PLAGL1: variants seen among roughly 807,000 people sequenced by gnomAD.
PLAGL1 encodes PLAG1 like zinc finger 1, also known as zinc finger protein PLAGL1.
PLAGL1 carries 1 observed loss-of-function variant against 4.6 expected under a neutral mutation model. The ratio of observed to expected loss-of-function variants is 0.22; its 90% CI spans 0.08 to 1.03. The LOEUF (loss-of-function observed/expected upper bound fraction) is 1.03, where lower values mean the gene tolerates loss of function less well. PLAGL1 is among the 50% of genes least tolerant of loss of function. The pLI, the probability that PLAGL1 is intolerant of heterozygous loss-of-function variation, is 0.58. For missense variants in PLAGL1, 464 were observed against 570.4 expected (o/e 0.81, Z 1.90); for synonymous variants, 240 against 237.8 (o/e 1.01, Z -0.08).
rs933684656 is a variant in PLAGL1 at position 143,995,135 on chromosome 6, G to A, written c.-583-9961C>T. On this transcript the variant is annotated intron_variant, in intron 1 of 7. Transcript: ENST00000674357. This position sits in a 1 kb window ranked among gnomAD's most constrained non-coding sequence, Gnocchi z 4.4. ...GCCAAAATTTTCTTATTTGTACAAAGGAGATAAAACTATTCTCAGGTTGTT... is the reference window on the plus strand; with the variant it reads ...GCCAAAATTTTCTTATTTGTACAAAAGAGATAAAACTATTCTCAGGTTGTT... 1.6e-5 allele frequency among the ~76,000 whole-genome samples: 1 copy of A among 63,592 alleles called. No homozygotes were observed. Among genetic ancestry groups the A allele is most frequent in the Non-Finnish European group, 3.8e-5 (1 of 26,000 alleles). The allele number at this position is 63,592 out of a possible 152,430, so 41.7% of individuals were successfully genotyped here. A position where few individuals can be genotyped will look rare whatever the true frequency, so the allele number is the denominator to read the frequency against.
chr6:143,977,720 G>A (rs973165247), intron 2 of PLAGL1, among the ~76,000 whole-genome samples: 2 of 151,780 alleles, frequency 1.3e-5, no homozygotes, highest in Non-Finnish European at 2.9e-5. Context: ...GGCTGGTCTC[G>A]AACTCCCAAC....
rs1787434355 is a variant in PLAGL1 at position 143,979,529 on chromosome 6, T to G, written c.-544+5606A>C. 6.6e-6 allele frequency among the ~76,000 whole-genome samples: 1 copy of G among 152,118 alleles called. No individual in the cohort carries two copies. Among genetic ancestry groups the G allele is most frequent in the Non-Finnish European group, 1.5e-5 (1 of 67,956 alleles). ...TCGTGGTTGCTGTAGAGTTTATAGT[T>G]ATATCTTTAACTTACCATGGTGTAC... On this transcript the variant is annotated intron_variant, in intron 2 of 7. Transcript: ENST00000674357. This position sits in a 1 kb window ranked among gnomAD's most constrained non-coding sequence, Gnocchi z 4.6.
rs1263844701 is a variant in PLAGL1 at position 143,985,928 on chromosome 6, CAT to C, written c.-583-756_-583-755del. Among the ~76,000 whole-genome samples the C allele has an allele frequency of 1.4e-5, 2 of 139,520 alleles. No individual in the cohort carries two copies. The highest frequency in any genetic ancestry group is 2.2e-4 in the South Asian group (1 of 4,496). The allele number at this position is 139,520 out of a possible 152,430, so 91.5% of individuals were successfully genotyped here. On this transcript the variant is annotated intron_variant, in intron 1 of 7. Transcript: ENST00000674357. The surrounding 1 kb of genome is among the most constrained non-coding windows in gnomAD (Gnocchi z 4.4). ...GTGTGTGTGTGTGTGTATACACACA[CAT>C]ATATATAAAAGATATATATACACAT...
At position 144,039,713 on chromosome 6, in the gene PLAGL1, T is replaced by C. The variant is rs900501897; in HGVS notation, c.-151+24755A>G. ...AACCACTTTGATCAATAATTTGTAA[T>C]AGTCAGTGAATACAAAGGGGTATAT... On this transcript the variant is annotated intron_variant, in intron 1 of 3. Transcript: ENST00000437412. The surrounding 1 kb of genome is among the most constrained non-coding windows in gnomAD (Gnocchi z 4.1). Among the ~76,000 whole-genome samples, 2 of 152,200 alleles carry C rather than the reference T, an allele frequency of 1.3e-5. No homozygotes were observed. The highest frequency in any genetic ancestry group is 3.8e-4 in the East Asian group (2 of 5,200).
rs1047310616 is a variant in PLAGL1, at chr6:144,036,812, T to C, written c.-151+27656A>G. ...TGCTAAATGCCCATTATGACACTAT[T>C]TGACTAAACAGGTTTGAAATACTCT... On this transcript the variant is annotated intron_variant, in intron 1 of 3. Coordinates refer to the PLAGL1 transcript ENST00000437412. The surrounding 1 kb of genome is among the most constrained non-coding windows in gnomAD (Gnocchi z 5.1). 1 of 332,304 alleles carries C rather than the reference T, an allele frequency of 3.0e-6. No homozygotes were observed. Among genetic ancestry groups the C allele is most frequent in the Non-Finnish European group, 5.7e-6 (1 of 174,412 alleles). 20.6% of individuals were successfully genotyped at this position (332,304 alleles called of 1,614,324 possible). A position where few individuals can be genotyped will look rare whatever the true frequency, so the allele number is the denominator to read the frequency against.
chr6:144,014,936 TG>T (rs1163735885), intron 1 of PLAGL1, among the ~76,000 whole-genome samples: 1 of 152,158 alleles, frequency 6.6e-6, no homozygotes, highest in Non-Finnish European at 1.5e-5. Context: ...AAGAGATAAA[TG>T]GTGTGGGAAC....
rs530298808 is a variant in PLAGL1 at position 143,964,414 on chromosome 6, ATT to A, written c.-399+371_-399+372del. Among the ~76,000 whole-genome samples the A allele has an allele frequency of 6.6e-3, 1,007 of 152,172 alleles. 7 individuals carry two copies. Among genetic ancestry groups the A allele is most frequent in the South Asian group, 0.028 (136 of 4,816 alleles). On this transcript the variant is annotated intron_variant, in intron 5 of 7. Coordinates refer to ENST00000674357, the MANE Select transcript of PLAGL1 (RefSeq NM_001317162.2). The surrounding 1 kb of genome is among the most constrained non-coding windows in gnomAD (Gnocchi z 4.3). The stretch of plus-strand genomic sequence containing the variant: ...AGCACCTAAATCTTACTGACATGAA[ATT>A]TTCCTCTAGGTTGGCAGAATGGGGA...
rs947082003 is a variant in PLAGL1, at chr6:143,966,501, A to G, written c.-471-303T>C. The G allele has an allele frequency of 1.3e-5, 2 of 152,208 alleles. No homozygotes were observed. Among genetic ancestry groups the G allele is most frequent in the African/African-American group, 4.8e-5 (2 of 41,448 alleles). 9.4% of individuals were successfully genotyped at this position (152,208 alleles called of 1,614,324 possible). A position where few individuals can be genotyped will look rare whatever the true frequency, so the allele number is the denominator to read the frequency against. ...CTGACTCAGCACAACATCTTTGTGC[A>G]CTCTGATTTGAATATGTGGGGCAAA... is the stretch of plus-strand genomic sequence containing the variant. On this transcript the variant is annotated intron_variant, in intron 3 of 7. Transcript: ENST00000674357. The surrounding 1 kb of genome is among the most constrained non-coding windows in gnomAD (Gnocchi z 6.0).
At position 143,950,820 on chromosome 6, in the gene PLAGL1, G is replaced by A. The variant is rs1269529473; in HGVS notation, c.-324-2360C>T. 6.6e-6 allele frequency among the ~76,000 whole-genome samples: 1 copy of A among 152,196 alleles called. No individual in the cohort carries two copies. The highest frequency in any genetic ancestry group is 1.5e-5 in the Non-Finnish European group (1 of 68,036). On this transcript the variant is annotated intron_variant, in intron 6 of 7. Coordinates refer to ENST00000674357, the MANE Select transcript of PLAGL1 (RefSeq NM_001317162.2). This position sits in a 1 kb window ranked among gnomAD's most constrained non-coding sequence, Gnocchi z 6.3. ...CAGAACTTTCTGCAATGATGGAAAT[G>A]TTACAGATGTGATGGCTACTGAGCA...
upstream of PLAGL1, among the ~76,000 whole-genome samples, chr6:144,012,181 GT>G: frequency 6.6e-6 from 1 of 152,158 alleles, no homozygotes; most frequent in Middle Eastern, 3.4e-3. The surrounding 1 kb of genome is among the most constrained non-coding windows in gnomAD (Gnocchi z 4.8). Context: ...CAGCATGTAA[GT>G]TTTTTGTTGC....
chr6:144,026,888 C>G (rs1796381172), intron 1 of PLAGL1, among the ~76,000 whole-genome samples: 1 of 152,020 alleles, frequency 6.6e-6, no homozygotes, highest in Non-Finnish European at 1.5e-5. Flanking sequence ...CTTCTCAGTG[C>G]AAATTAAGCT....
rs569618568 is a variant in PLAGL1, at chr6:143,957,204, A to T, written c.-325+3265T>A. On this transcript the variant is annotated intron_variant, in intron 6 of 7. Coordinates refer to ENST00000674357, the MANE Select transcript of PLAGL1 (RefSeq NM_001317162.2). This position sits in a 1 kb window ranked among gnomAD's most constrained non-coding sequence, Gnocchi z 4.2. ...GTAAAATAGATGTGTGCATTGAGAAAGGCAAGGGTTAAGTCCAGGCCTGGT... is the reference window on the plus strand; with the variant it reads ...GTAAAATAGATGTGTGCATTGAGAATGGCAAGGGTTAAGTCCAGGCCTGGT... Among the ~76,000 whole-genome samples the T allele has an allele frequency of 6.6e-6, 1 of 152,388 alleles. No individual in the cohort carries two copies. The highest frequency in any genetic ancestry group is 1.9e-4 in the East Asian group (1 of 5,190).
In PLAGL1 at chr6:143,994,039, G is replaced by GAAA. The variant is rs530541145; in HGVS notation, c.-583-8868_-583-8866dup. On this transcript the variant is annotated intron_variant, in intron 1 of 7. Transcript: ENST00000674357. This position sits in a 1 kb window ranked among gnomAD's most constrained non-coding sequence, Gnocchi z 4.3. ...AATGTTCACTTCATATATGGCTAAGGAAAAAAAAAAAAAGAAAAGAACTCC... is the reference window on the plus strand; with the variant it reads ...AATGTTCACTTCATATATGGCTAAGGAAAAAAAAAAAAAAAAGAAAAGAACTCC... Among the ~76,000 whole-genome samples, 1 of 129,800 alleles carries GAAA rather than the reference G, an allele frequency of 7.7e-6. No homozygotes were observed. Among genetic ancestry groups the GAAA allele is most frequent in the Non-Finnish European group, 1.7e-5 (1 of 60,520 alleles). 85.2% of individuals were successfully genotyped at this position (129,800 alleles called of 152,430 possible). A position where few individuals can be genotyped will look rare whatever the true frequency, so the allele number is the denominator to read the frequency against.
rs1194148887 is a variant in PLAGL1, at chr6:143,971,019, A to C, written c.-543-2041T>G. 6.6e-6 allele frequency among the ~76,000 whole-genome samples: 1 copy of C among 152,030 alleles called. No homozygotes were observed. Among genetic ancestry groups the C allele is most frequent in the Non-Finnish European group, 1.5e-5 (1 of 68,004 alleles). The stretch of plus-strand genomic sequence containing the variant: ...CTCTGCCTCTCCCTACTTTGGTATT[A>C]TGTCACACAAAATTACTTCCAGAAA... On this transcript the variant is annotated intron_variant, in intron 2 of 7. Coordinates refer to ENST00000674357, the MANE Select transcript of PLAGL1 (RefSeq NM_001317162.2). The surrounding 1 kb of genome is among the most constrained non-coding windows in gnomAD (Gnocchi z 4.7).
chr6:143,941,290 C>T lies in PLAGL1; in HGVS notation c.*134G>A, dbSNP rs1778517932. ...ACATGCAGTTCGAGAATTCTCTTAT[C>T]ATCTCAAGCCAGTCATCACTGAATA... On this transcript the variant is annotated 3_prime_UTR_variant, in exon 8 of 8. Coordinates refer to ENST00000674357, the MANE Select transcript of PLAGL1 (RefSeq NM_001317162.2). The surrounding 1 kb of genome is among the most constrained non-coding windows in gnomAD (Gnocchi z 6.0). The T allele has an allele frequency of 1.6e-6, 1 of 622,990 alleles. No individual in the cohort carries two copies. Among genetic ancestry groups the T allele is most frequent in the Non-Finnish European group, 2.6e-6 (1 of 381,696 alleles). 38.6% of individuals were successfully genotyped at this position (622,990 alleles called of 1,614,324 possible).
At position 143,968,392 on chromosome 6, in the gene PLAGL1, T is replaced by G. The variant is rs1447793459; in HGVS notation, c.-472+515A>C. 6.6e-6 allele frequency: 1 copy of G among 152,096 alleles called. No homozygotes were observed. Among genetic ancestry groups the G allele is most frequent in the Non-Finnish European group, 1.5e-5 (1 of 68,004 alleles). The allele number at this position is 152,096 out of a possible 1,614,324, so 9.4% of individuals were successfully genotyped here. ...TCATATTATGATTTTAGGAGAGTGG[T>G]TTAGAGACTCTGAATTGTAACATAC... On this transcript the variant is annotated intron_variant, in intron 3 of 7. Transcript: ENST00000674357. The surrounding 1 kb of genome is among the most constrained non-coding windows in gnomAD (Gnocchi z 6.3).
chr6:144,002,700 A>G (rs971292935), intron 1 of PLAGL1, among the ~76,000 whole-genome samples: 3 of 152,152 alleles, frequency 2.0e-5, no homozygotes, highest in Non-Finnish European at 4.4e-5. Flanking sequence ...TCAAAAAAAC[A>G]TTAAATGTCT....
At position 143,941,291 on chromosome 6, in the gene PLAGL1, A is replaced by G. The variant is rs1450701409; in HGVS notation, c.*133T>C. 1.6e-6 allele frequency: 1 copy of G among 630,044 alleles called. No individual in the cohort carries two copies. The highest frequency in any genetic ancestry group is 1.8e-5 in the African/African-American group (1 of 54,304). The allele number at this position is 630,044 out of a possible 1,614,324, so 39.0% of individuals were successfully genotyped here. On this transcript the variant is annotated 3_prime_UTR_variant, in exon 8 of 8. Coordinates refer to ENST00000674357, the MANE Select transcript of PLAGL1 (RefSeq NM_001317162.2). The surrounding 1 kb of genome is among the most constrained non-coding windows in gnomAD (Gnocchi z 6.0). ...CATGCAGTTCGAGAATTCTCTTATC[A>G]TCTCAAGCCAGTCATCACTGAATAA...
In PLAGL1 at chr6:144,039,830, G is replaced by GCAAATCT. The variant is rs1797581191; in HGVS notation, c.-151+24631_-151+24637dup. On this transcript the variant is annotated intron_variant, in intron 1 of 3. Transcript: ENST00000437412. This position sits in a 1 kb window ranked among gnomAD's most constrained non-coding sequence, Gnocchi z 4.1. ...AGATATATCTGCAAGAATGTTCACA[G>GCAAATCT]CAAATCTCTTTGTAGTAGCAAAAGG... Among the ~76,000 whole-genome samples the GCAAATCT allele has an allele frequency of 6.6e-6, 1 of 152,114 alleles. No individual in the cohort carries two copies. The highest frequency in any genetic ancestry group is 1.5e-5 in the Non-Finnish European group (1 of 68,020).
Sources: allele counts gnomAD v4.1 joint callset (sites outside exome capture counted in the v4.1 genomes callset), GRCh38; gene constraint gnomAD v4.1.1; non-coding constraint Gnocchi (gnomAD v3.1); transcripts MANE v1.5; gene names NCBI Gene and HGNC (gene_info 2026-07-23, HGNC 2026-07-21).